The following KCTD1 variants were observed in gnomAD, a reference collection of about 807,000 sequenced individuals.
The protein encoded by KCTD1 is potassium channel tetramerization domain containing 1, also known as BTB/POZ domain-containing protein KCTD1.
KCTD1 carries 24 observed loss-of-function variants against 66.0 expected under a neutral mutation model. The observed-to-expected ratio is 0.36, with a 90% CI of 0.26 to 0.51. The LOEUF (loss-of-function observed/expected upper bound fraction) is 0.51, where lower values mean the gene tolerates loss of function less well. Ranked by LOEUF, KCTD1 falls within the 20% of genes least tolerant of loss-of-function variation. The pLI, the probability that KCTD1 is intolerant of heterozygous loss-of-function variation, is 0.95. For missense variants in KCTD1, 943 were observed against 1,205.2 expected, an observed-to-expected ratio of 0.78 and a Z score of 3.22; for synonymous variants, 511 against 517.2, an observed-to-expected ratio of 0.99 and a Z score of 0.16.
chr18:26,511,346 C>T (rs1415787816), intron 1 of KCTD1, among the ~76,000 whole-genome samples: 1 of 152,198 alleles, frequency 6.6e-6, no homozygotes, highest in African/African-American at 2.4e-5. Flanking sequence ...CAGGGGCAGT[C>T]GCCTATGGTT....
upstream of KCTD1, chr18:26,549,514 C>T: frequency 1.1e-6 from 1 of 936,270 alleles, no homozygotes; most frequent in Non-Finnish European, 1.3e-6. Flanking sequence ...GCGCTTGGGA[C>T]CCCAGGGGCC....
chr18:26,520,587 G>A (rs1983864269), intron 1 of KCTD1, among the ~76,000 whole-genome samples: 1 of 151,492 alleles, frequency 6.6e-6, no homozygotes, highest in Non-Finnish European at 1.5e-5. Context: ...CTGAAGTGAT[G>A]TGAAAGATAA....
intron 1 of KCTD1, among the ~76,000 whole-genome samples, chr18:26,555,191 T>C (rs892439997): frequency 2.6e-5 from 4 of 152,234 alleles, no homozygotes; most frequent in African/African-American, 9.6e-5. Context: ...AACGATTTGC[T>C]GTTATTTCAA....
At chr18:26,489,857 T>C (rs1165348424) in intron 2 of KCTD1, among the ~76,000 whole-genome samples, 1 of 152,202 alleles carries the variant, frequency 6.6e-6, no homozygotes, top group African/African-American at 2.4e-5. Flanking sequence ...ATTTGTCACA[T>C]GTTAACGTTG....
rs552905927 is a variant in KCTD1, at chr18:26,649,380, G to T, written c.9+7980C>A. ...GTAAGTGGATTGCACCAGATAACAAGGTCTGCTTTCTTTCTCCTCCCTGCC... is the reference window on the plus strand; with the variant it reads ...GTAAGTGGATTGCACCAGATAACAATGTCTGCTTTCTTTCTCCTCCCTGCC... On this transcript the variant is annotated intron_variant, in intron 1 of 4. Coordinates refer to the KCTD1 transcript ENST00000580191. 2.0e-5 allele frequency among the ~76,000 whole-genome samples: 3 copies of T among 152,272 alleles called. No homozygotes were observed. The South Asian group carries it at 6.2e-4, about 32-fold the overall frequency.
upstream of KCTD1, chr18:26,629,382 G>A (rs541285219): frequency 1.5e-4 from 25 of 170,508 alleles, 1 homozygote; most frequent in South Asian, 3.3e-3. Flanking sequence ...AATGCAATAA[G>A]TAAGTAAGGT....
intron 1 of KCTD1, among the ~76,000 whole-genome samples, chr18:26,646,755 T>C (rs1259783347): frequency 6.6e-6 from 1 of 152,172 alleles, no homozygotes; most frequent in Non-Finnish European, 1.5e-5. Context: ...TATGCATAAC[T>C]AAAATATTGA....
In KCTD1 at chr18:26,547,119, G is replaced by A; in HGVS notation, c.1418C>T (p.Ser473Leu). 6.5e-7 allele frequency: 1 copy of A among 1,549,992 alleles called. No homozygotes were observed. Reference protein sequence around the residue: ...SIAGIGTKLGSPAPQGCYAEA... With the variant: ...SIAGIGTKLGLPAPQGCYAEA... Reference sequence around the variant, plus strand: ...GGCGTAGCAGCCCTGCGGGGCGGGCGAGCCCAGCTTGGTGCCAATGCCCGC... The same window carrying A: ...GGCGTAGCAGCCCTGCGGGGCGGGCAAGCCCAGCTTGGTGCCAATGCCCGC... The change falls in exon 1 of 5, where the codon TCG (serine) becomes TTG (leucine). Residue 473 changes from serine (S) to leucine (L), a missense_variant. Around this residue, in one of 10 missense-constraint regions of KCTD1, gnomAD observed 197 missense variants for 182.7 expected, o/e 1.08. Transcript: ENST00000580059.
intron 1 of KCTD1, among the ~76,000 whole-genome samples, chr18:26,624,535 G>A (rs2145024162): frequency 6.6e-6 from 1 of 152,378 alleles, no homozygotes; most frequent in South Asian, 2.1e-4. Flanking sequence ...TGGCTTCCAT[G>A]TGGTGTTAAG....
At chr18:26,491,381 C>T (rs1598893485) in intron 2 of KCTD1, among the ~76,000 whole-genome samples, 1 of 152,190 alleles carries the variant, frequency 6.6e-6, no homozygotes, top group Non-Finnish European at 1.5e-5. Flanking sequence ...CTGACTGTTG[C>T]TAACAACTTT....
At chr18:26,644,310 A>C (rs1047655152), upstream of KCTD1, among the ~76,000 whole-genome samples, 1 of 152,174 alleles carries the variant, frequency 6.6e-6, no homozygotes, top group Admixed American at 6.5e-5. Context: ...AAGGTTATCA[A>C]GGACCGACCG....
At chr18:26,500,187 C>T (rs533480405) in intron 2 of KCTD1, among the ~76,000 whole-genome samples, 124 of 151,220 alleles carry the variant, frequency 8.2e-4, no homozygotes, top group Admixed American at 1.2e-3. Flanking sequence ...GAGGCTGAGA[C>T]GGAAGAATTG....
At chr18:26,613,834 C>A (rs779428357) in intron 1 of KCTD1, among the ~76,000 whole-genome samples, 2 of 152,168 alleles carry the variant, frequency 1.3e-5, no homozygotes, top group Non-Finnish European at 2.9e-5. Context: ...GTCCCTATAT[C>A]GGGGCCTTTG....
At chr18:26,473,716 C>G (rs1981194671) in intron 3 of KCTD1, among the ~76,000 whole-genome samples, 1 of 152,158 alleles carries the variant, frequency 6.6e-6, no homozygotes, top group Non-Finnish European at 1.5e-5. Flanking sequence ...TCTTCAAACC[C>G]TGGAATCAAG....
intron 1 of KCTD1, among the ~76,000 whole-genome samples, chr18:26,580,881 C>G (rs1175533366): frequency 1.3e-5 from 2 of 152,148 alleles, no homozygotes; most frequent in Non-Finnish European, 2.9e-5. Flanking sequence ...TTTACTGGAA[C>G]ACAGCCATGC....
rs1206842716 is a variant in KCTD1 at position 26,548,391 on chromosome 18, T to A, written c.146A>T (p.His49Leu). 1.4e-5 allele frequency: 21 copies of A among 1,452,180 alleles called. No homozygotes were observed. Among genetic ancestry groups the A allele is most frequent in the Non-Finnish European group, 1.6e-5 (18 of 1,101,126 alleles). 90.0% of individuals were successfully genotyped at this position (1,452,180 alleles called of 1,614,324 possible). A position where few individuals can be genotyped will look rare whatever the true frequency, so the allele number is the denominator to read the frequency against. ...GGRGRRHSRP[H>L]YCSAGEEEEE... ...CTCCTCCTCGCCCGCGCTGCAGTAGTGCGGACGGCTGTGGCGGCGGCCGCG... is the reference window on the plus strand; with the variant it reads ...CTCCTCCTCGCCCGCGCTGCAGTAGAGCGGACGGCTGTGGCGGCGGCCGCG... The change falls in exon 1 of 5, where the codon CAC (histidine) becomes CTC (leucine). Residue 49 changes from histidine to leucine, a missense_variant. Around this residue, in one of 10 missense-constraint regions of KCTD1, gnomAD observed 236 missense variants for 206.6 expected, o/e 1.14. Transcript: ENST00000580059.
intron 1 of KCTD1, among the ~76,000 whole-genome samples, chr18:26,553,827 T>TAAAA (rs10548383): frequency 7.4e-6 from 1 of 135,422 alleles, no homozygotes. Flanking sequence ...CCAGAGAGGG[T>TAAAA]AAAAAAAAAA....
In KCTD1 at chr18:26,501,195, A is replaced by G; in HGVS notation, c.1865T>C (p.Leu622Pro). The change falls in exon 2 of 5, where the codon CTG becomes CCG. Residue 622 changes from leucine (L) to proline (P), a missense_variant. Transcript: ENST00000580059. ...TGGAGTAGGGATGCCTTGGTTGTTC[A>G]GTGGAGATGCAGGGGATCTAGTGAT... ...PLITRSPASP[L>P]NNQGIPTPAQ... The G allele has an allele frequency of 6.2e-7, 1 of 1,614,176 alleles. No homozygotes were observed. The highest frequency in any genetic ancestry group is 8.5e-7 in the Non-Finnish European group (1 of 1,180,030).
intron 2 of KCTD1, among the ~76,000 whole-genome samples, chr18:26,487,742 T>C (rs771478442): frequency 1.7e-4 from 26 of 152,172 alleles, no homozygotes; most frequent in Admixed American, 1.1e-3. Context: ...TGGTTTATCA[T>C]AGTTCAAAAA....
Sources: gnomAD v4.1 joint callset for allele counts (sites outside exome capture counted in the v4.1 genomes callset) on GRCh38, gnomAD v4.1.1 for gene constraint, gnomAD v4.1.1 regional missense constraint, MANE v1.5 for transcripts, NCBI Gene and HGNC (gene_info 2026-07-23, HGNC 2026-07-21) for gene names.